The following CFAP46 variants were observed in gnomAD, a reference collection of about 807,000 sequenced individuals.
CFAP46 encodes the protein cilia- and flagella-associated protein 46.
CFAP46 carries 245 observed loss-of-function variants against 325.7 expected under a neutral mutation model. The observed-to-expected ratio is 0.75, with a 90% CI of 0.68 to 0.84. CFAP46 has a LOEUF of 0.84. Among genes scored for constraint, CFAP46 ranks in the 40% least tolerant of loss-of-function variants. CFAP46 has a pLI of 0.00. For synonymous variants in CFAP46, 1,523 were observed against 1,495.9 expected (o/e 1.02, Z -0.42); for missense variants, 3,346 against 3,543.0 (o/e 0.94, Z 1.41).
At chr10:132,850,872 G>T (rs144686763) in intron 40 of CFAP46, among the ~76,000 whole-genome samples, 3 of 151,988 alleles carry the variant, frequency 2.0e-5, no homozygotes, top group Non-Finnish European at 4.4e-5. Flanking sequence ...TTCATGAGTC[G>T]GGAAGGGCAG....
At chr10:132,878,442 C>G (rs1328694501) in intron 29 of CFAP46, among the ~76,000 whole-genome samples, 1 of 152,126 alleles carries the variant, frequency 6.6e-6, no homozygotes, top group African/African-American at 2.4e-5. Flanking sequence ...GGGGATGTAC[C>G]CAGGCAGGGA....
chr10:132,930,610 A>T (rs1303542874), intron 8 of CFAP46, among the ~76,000 whole-genome samples: 1 of 98,652 alleles, frequency 1.0e-5, no homozygotes, highest in East Asian at 3.4e-4. Context: ...CACTCCCCAC[A>T]CAGAGCCTGG....
chr10:132,834,640 G>T lies in CFAP46; in HGVS notation c.6866+14C>A. 6.2e-7 allele frequency: 1 copy of T among 1,612,552 alleles called. No homozygotes were observed. Among genetic ancestry groups the T allele is most frequent in the Non-Finnish European group, 8.5e-7 (1 of 1,179,570 alleles). On this transcript the variant is annotated intron_variant, in intron 48 of 57. Coordinates refer to ENST00000368586, the MANE Select transcript of CFAP46 (RefSeq NM_001200049.3). ...AGCGTGGTGGGGTGCCAGCCTCAAC[G>T]TCATCCCCAGTACCTGGCCTTGGAG...
chr10:132,860,181 T>C (rs1001302348), intron 37 of CFAP46, among the ~76,000 whole-genome samples: 1 of 152,216 alleles, frequency 6.6e-6, no homozygotes, highest in African/African-American at 2.4e-5. Flanking sequence ...AAGTTGACTT[T>C]CTAAGCCAAA....
chr10:132,931,655 C>G, intron 8 of CFAP46, among the ~76,000 whole-genome samples: 1 of 127,668 alleles, frequency 7.8e-6, no homozygotes, highest in African/African-American at 2.9e-5. Context: ...GGCCTCCCTA[C>G]ACTCCCCACA....
chr10:132,860,639 C>T lies in CFAP46; in HGVS notation c.5092-116G>A, dbSNP rs965050573. On this transcript the variant is annotated intron_variant, in intron 36 of 57. Coordinates refer to ENST00000368586, the MANE Select transcript of CFAP46 (RefSeq NM_001200049.3). ...GCCTGAGGACAGGCGGGGGTAGATA[C>T]GGGTGTGTCTGAGGGTGGGGCAGGG... 1.4e-5 allele frequency: 16 copies of T among 1,178,050 alleles called. No individual in the cohort carries two copies. In the African/African-American group the frequency reaches 1.4e-4, roughly 10 times the overall value. The allele number at this position is 1,178,050 out of a possible 1,614,324, so 73.0% of individuals were successfully genotyped here.
Position 132,847,943 on chromosome 10 carries a change from G to A in CFAP46, c.5953-622C>T, listed in dbSNP as rs1403550341. Among the ~76,000 whole-genome samples the A allele has an allele frequency of 1.3e-5, 2 of 152,192 alleles. No homozygotes were observed. Among genetic ancestry groups the A allele is most frequent in the African/African-American group, 2.4e-5 (1 of 41,444 alleles). On this transcript the variant is annotated intron_variant, in intron 41 of 57. Transcript: ENST00000368586. The surrounding 1 kb of genome is among the most constrained non-coding windows in gnomAD (Gnocchi z 5.2). ...CGTTCTAGTAGGCTGCCTGAATGCA[G>A]GCAAAAACCAGCAAGCACGCTGGAG...
intron 3 of CFAP46, 43 bp from the exon 4 acceptor site, chr10:132,941,103 C>A: frequency 6.2e-7 from 1 of 1,601,596 alleles, no homozygotes; most frequent in Non-Finnish European, 8.6e-7. Context: ...AAATACTGAC[C>A]CCTGCTCACT....
In CFAP46 at chr10:132,879,506, C is replaced by A. The variant is rs1208654517; in HGVS notation, c.3925G>T (p.Ala1309Ser). ...EALARVHILL[A>S]LVLSPGAEGY... ...TCGGCGCCCGGCGACAGCACCAGGGCCAGCAGGATGTGCACGCGGGCCAGC... is the reference window on the plus strand; with the variant it reads ...TCGGCGCCCGGCGACAGCACCAGGGACAGCAGGATGTGCACGCGGGCCAGC... The change falls in exon 29 of 58, where the codon GCC (alanine) becomes TCC (serine). Residue 1309 changes from alanine to serine, a missense_variant. Physicochemically the swap from Ala to Ser is moderately conservative, Grantham distance 99. Coordinates refer to ENST00000368586, the MANE Select transcript of CFAP46 (RefSeq NM_001200049.3). The A allele has an allele frequency of 1.9e-6, 3 of 1,547,280 alleles. No homozygotes were observed. Among genetic ancestry groups the A allele is most frequent in the Non-Finnish European group, 1.7e-6 (2 of 1,145,948 alleles).
chr10:132,881,117 T>C lies in CFAP46; in HGVS notation c.3628-85A>G. ...CAGTGGAATACTTTTATTGCTCATT[T>C]TCTACAAGAAAAGCTTCATTCTTAC... On this transcript the variant is annotated intron_variant, in intron 27 of 57. Transcript: ENST00000368586. 5 of 1,289,780 alleles carry C rather than the reference T, an allele frequency of 3.9e-6. No homozygotes were observed. In the South Asian group the frequency reaches 6.7e-5, roughly 17 times the overall value. 79.9% of individuals were successfully genotyped at this position (1,289,780 alleles called of 1,614,324 possible).
chr10:132,932,224 T>C (rs1383066200), intron 8 of CFAP46, among the ~76,000 whole-genome samples: 22 of 65,528 alleles, frequency 3.4e-4, no homozygotes, highest in African/African-American at 6.7e-4. Context: ...TGGGTCTCCC[T>C]ACACTCCCCA....
At chr10:132,912,224 CTCCTCTCTCCTGTCCTCTT>C (rs1849551975) in intron 19 of CFAP46, among the ~76,000 whole-genome samples, 1 of 135,644 alleles carries the variant, frequency 7.4e-6, no homozygotes, top group Non-Finnish European at 1.6e-5. Flanking sequence ...CCTCTCTCTT[CTCCTCTCTCCTGTCCTCTT>C]TCCTCTCTCT....
intron 35 of CFAP46, among the ~76,000 whole-genome samples, 155 bp from the exon 36 acceptor site, chr10:132,861,137 T>G (rs1848715913): frequency 1.3e-5 from 2 of 152,114 alleles, no homozygotes; most frequent in African/African-American, 4.8e-5. Flanking sequence ...ACTCTGGCAG[T>G]GGAAGGGTGG....
intron 41 of CFAP46, among the ~76,000 whole-genome samples, chr10:132,848,640 A>C (rs1034879858): frequency 6.6e-6 from 1 of 152,232 alleles, no homozygotes; most frequent in South Asian, 2.1e-4. Flanking sequence ...ACACACCCGC[A>C]GCGGCACAGA....
chr10:132,821,187 TGTGCTGTGTGA>T (rs1455495266), intron 50 of CFAP46, among the ~76,000 whole-genome samples: 3 of 140,822 alleles, frequency 2.1e-5, no homozygotes. Context: ...GTGTGCTGTG[TGTGCTGTGTGA>T]GTGCTGATGT....
Position 132,933,245 on chromosome 10 carries a change from C to T in CFAP46, c.866+1507G>A, listed in dbSNP as rs533776598. On this transcript the variant is annotated intron_variant, in intron 8 of 57. Transcript: ENST00000368586. ...GCTCTGCTGTTGGGCCCTCTCAGGT[C>T]CTGGCAGGCCTGGCATCACAACACT... Among the ~76,000 whole-genome samples, 9 of 152,244 alleles carry T rather than the reference C, an allele frequency of 5.9e-5. No individual in the cohort carries two copies. The East Asian group carries it at 1.7e-3, about 29-fold the overall frequency.
At chr10:132,865,015 A>G (rs1848793625) in intron 35 of CFAP46, among the ~76,000 whole-genome samples, 1 of 152,222 alleles carries the variant, frequency 6.6e-6, no homozygotes, top group South Asian at 2.1e-4. Flanking sequence ...ATAAAGTCTG[A>G]ACCTCTCAAG....
At chr10:132,815,788 TG>T (rs1015882842) in intron 50 of CFAP46, among the ~76,000 whole-genome samples, 6 of 151,786 alleles carry the variant, frequency 4.0e-5, no homozygotes, top group Non-Finnish European at 7.4e-5. Flanking sequence ...CGTCAGGAAG[TG>T]GGGAGGAAGG....
chr10:132,836,789 C>G, intron 45 of CFAP46, 28 bp downstream of exon 45: 1 of 1,580,984 alleles, frequency 6.3e-7, no homozygotes, highest in Non-Finnish European at 8.7e-7. Flanking sequence ...GGGCTGGGGG[C>G]GGCCTCAACA....
Sources: allele counts gnomAD v4.1 joint callset (sites outside exome capture counted in the v4.1 genomes callset), GRCh38; gene constraint gnomAD v4.1.1; non-coding constraint Gnocchi (gnomAD v3.1); transcripts MANE v1.5; gene names NCBI Gene and HGNC (gene_info 2026-07-23, HGNC 2026-07-21).